SRPK2: variants seen among roughly 807,000 people sequenced by gnomAD.
SRPK2 encodes SRSF protein kinase 2, also known as SFRS protein kinase 2.
A neutral mutation model predicts 90.8 loss-of-function variants in SRPK2; 21 were observed. The observed-to-expected ratio is 0.23, with a 90% confidence interval of 0.16 to 0.33. The LOEUF is 0.33. Among genes scored for constraint, SRPK2 ranks in the 10% least tolerant of loss-of-function variants. The probability of loss-of-function intolerance (pLI) is 1.00; values close to 1 mark genes in which losing one functional copy is unlikely to be tolerated. For missense variants in SRPK2, 620 were observed against 869.0 expected (o/e 0.71, Z 3.60); for synonymous variants, 288 against 311.1 (o/e 0.93, Z 0.78).
At chr7:105,184,378 C>A (rs1191500429) in intron 3 of SRPK2, among the ~76,000 whole-genome samples, 2 of 152,130 alleles carry the variant, frequency 1.3e-5, no homozygotes, top group Non-Finnish European at 2.9e-5. Context: ...ACCACTGTTA[C>A]AAAATATATG....
At chr7:105,259,499 C>G (rs1018172188) in intron 2 of SRPK2, among the ~76,000 whole-genome samples, 4 of 152,142 alleles carry the variant, frequency 2.6e-5, no homozygotes, top group Non-Finnish European at 4.4e-5. Context: ...CATCAAGCTA[C>G]CAATGACTTT....
At chr7:105,307,370 T>C (rs1160175651) in intron 2 of SRPK2, among the ~76,000 whole-genome samples, 1 of 152,230 alleles carries the variant, frequency 6.6e-6, no homozygotes, top group African/African-American at 2.4e-5. Flanking sequence ...AAAAGAAGTA[T>C]AGAGAACCAA....
At chr7:105,202,304 CAT>C (rs1489251785) in intron 3 of SRPK2, among the ~76,000 whole-genome samples, 1 of 152,146 alleles carries the variant, frequency 6.6e-6, no homozygotes. Flanking sequence ...ATTATTAAGA[CAT>C]ATGGAACCCA....
At chr7:105,175,128 A>G (rs1791668793) in intron 3 of SRPK2, among the ~76,000 whole-genome samples, 1 of 151,756 alleles carries the variant, frequency 6.6e-6, no homozygotes, top group African/African-American at 2.4e-5. Flanking sequence ...CCACAGAGTT[A>G]AACTCCGTTT....
At chr7:105,189,652 A>G (rs897067085) in intron 3 of SRPK2, 3 of 152,384 alleles carry the variant, frequency 2.0e-5, no homozygotes, top group Non-Finnish European at 4.4e-5. Context: ...GATGCCTGTA[A>G]TCCCAGCTGC....
chr7:105,136,938 T>C (rs957065390), intron 11 of SRPK2, among the ~76,000 whole-genome samples: 1 of 152,056 alleles, frequency 6.6e-6, no homozygotes, highest in Non-Finnish European at 1.5e-5. Flanking sequence ...CGTGTACTGG[T>C]TGAAAATATG....
At chr7:105,167,537 A>G (rs148554622) in intron 5 of SRPK2, 73 bp from the exon 6 acceptor site, 5 of 851,434 alleles carry the variant, frequency 5.9e-6, no homozygotes, top group African/African-American at 5.1e-5. Context: ...TAACACCAAT[A>G]CTGTTTAAAT....
intron 1 of SRPK2, among the ~76,000 whole-genome samples, chr7:105,396,774 A>AAGAG (rs1554535222): frequency 7.2e-6 from 1 of 139,034 alleles, no homozygotes; most frequent in Non-Finnish European, 1.5e-5. Context: ...GAGAGAAAGA[A>AAGAG]AGAGAGAGAA....
At chr7:105,250,695 G>A (rs1000105843) in intron 2 of SRPK2, among the ~76,000 whole-genome samples, 1 of 152,038 alleles carries the variant, frequency 6.6e-6, no homozygotes, top group Non-Finnish European at 1.5e-5. Context: ...ATATTTTTTG[G>A]AAAATGCTTG....
At chr7:105,246,229 C>T (rs1801642984) in intron 2 of SRPK2, among the ~76,000 whole-genome samples, 1 of 152,146 alleles carries the variant, frequency 6.6e-6, no homozygotes, top group Non-Finnish European at 1.5e-5. Context: ...TAATTTCTGT[C>T]ACCGACCCCA....
At chr7:105,323,995 G>GTGTGTGTGTGTA (rs1813248813) in intron 2 of SRPK2, among the ~76,000 whole-genome samples, 1 of 147,738 alleles carries the variant, frequency 6.8e-6, no homozygotes, top group African/African-American at 2.5e-5. Context: ...GTGTGTGTGT[G>GTGTGTGTGTGTA]TGTGTGTGTG....
At chr7:105,365,857 T>G (rs865968184) in intron 2 of SRPK2, among the ~76,000 whole-genome samples, 2 of 150,846 alleles carry the variant, frequency 1.3e-5, no homozygotes, top group Middle Eastern at 3.2e-3. Flanking sequence ...ATGATTTTAT[T>G]TCTTCCTTTT....
chr7:105,297,204 C>T lies in SRPK2; in HGVS notation c.71+91444G>A, dbSNP rs113652850. The stretch of plus-strand genomic sequence containing the variant: ...GGTGCAAAAGAAACTGCATTTTTTG[C>T]GATTACTTTTGGAATATAAAGTAAA... On this transcript the variant is annotated intron_variant, in intron 2 of 15. Coordinates refer to ENST00000393651, the MANE Select transcript of SRPK2 (RefSeq NM_182692.3). Among the ~76,000 whole-genome samples, 7 of 152,134 alleles carry T rather than the reference C, an allele frequency of 4.6e-5. No homozygotes were observed. The South Asian group carries it at 1.5e-3, about 32-fold the overall frequency.
intron 2 of SRPK2, among the ~76,000 whole-genome samples, chr7:105,326,157 C>T (rs1813563237): frequency 6.6e-6 from 1 of 152,154 alleles, no homozygotes; most frequent in South Asian, 2.1e-4. Context: ...ACTCTACATT[C>T]AAAATAAGTC....
intron 2 of SRPK2, among the ~76,000 whole-genome samples, chr7:105,293,201 G>A (rs769506768): frequency 6.6e-6 from 1 of 151,930 alleles, no homozygotes; most frequent in African/African-American, 2.4e-5. Flanking sequence ...AAGAGGCTGA[G>A]GCAAGATAAC....
At chr7:105,380,725 T>C (rs1237372020) in intron 2 of SRPK2, among the ~76,000 whole-genome samples, 1 of 151,656 alleles carries the variant, frequency 6.6e-6, no homozygotes, top group Non-Finnish European at 1.5e-5. Flanking sequence ...GGTTTCGCCA[T>C]GTTGGTCAGG....
intron 3 of SRPK2, among the ~76,000 whole-genome samples, chr7:105,194,549 A>G (rs1794686708): frequency 6.6e-6 from 1 of 152,224 alleles, no homozygotes; most frequent in African/African-American, 2.4e-5. Context: ...TTACATTTCT[A>G]TAACCCATCA....
chr7:105,187,381 C>A (rs1164827941), intron 3 of SRPK2, among the ~76,000 whole-genome samples: 4 of 152,152 alleles, frequency 2.6e-5, no homozygotes, highest in Non-Finnish European at 5.9e-5. Flanking sequence ...ACAAATCTGA[C>A]CCCACTCCCT....
At chr7:105,291,960 A>G (rs1345405597) in intron 2 of SRPK2, among the ~76,000 whole-genome samples, 4 of 152,228 alleles carry the variant, frequency 2.6e-5, no homozygotes, top group African/African-American at 9.6e-5. Flanking sequence ...TTTAAACAGA[A>G]GAATAACTGA....
Sources: allele counts gnomAD v4.1 joint callset (sites outside exome capture counted in the v4.1 genomes callset), GRCh38; gene constraint gnomAD v4.1.1; transcripts MANE v1.5; gene names NCBI Gene and HGNC (gene_info 2026-07-23, HGNC 2026-07-21).